FOXP2: variants seen among roughly 807,000 people sequenced by gnomAD.
The protein encoded by FOXP2 is forkhead box P2, also known as forkhead box protein P2.
A neutral mutation model predicts 115.8 loss-of-function variants in FOXP2; 12 were observed. The ratio of observed to expected loss-of-function variants is 0.10; its 90% CI spans 0.07 to 0.17. FOXP2 has a LOEUF of 0.17. FOXP2 is among the 10% of genes least tolerant of loss of function. FOXP2 has a pLI of 1.00. For synonymous variants in FOXP2, 328 were observed against 297.7 expected (o/e 1.10, Z -1.05); for missense variants, 629 against 843.5 (o/e 0.75, Z 3.15).
chr7:114,115,154 T>C (rs1359170534), intron 1 of FOXP2, among the ~76,000 whole-genome samples: 1 of 152,186 alleles, frequency 6.6e-6, no homozygotes, highest in Non-Finnish European at 1.5e-5. Context: ...TGTAGTCTTC[T>C]AAACTGTGTC....
At chr7:114,611,447 A>G (rs1803624013) in intron 3 of FOXP2, among the ~76,000 whole-genome samples, 2 of 152,148 alleles carry the variant, frequency 1.3e-5, no homozygotes, top group South Asian at 4.1e-4. Context: ...TTATTTTTCA[A>G]AAAAATTTTT....
At chr7:114,645,322 A>G (rs1805829591) in intron 8 of FOXP2, 1 of 151,458 alleles carries the variant, frequency 6.6e-6, no homozygotes, top group African/African-American at 2.4e-5. Flanking sequence ...ACTACATTTC[A>G]TTTACATTGT....
In FOXP2 at chr7:114,631,099, T is replaced by C. The variant is rs576166165; in HGVS notation, c.598-429T>C. 7 of 200,476 alleles carry C rather than the reference T, an allele frequency of 3.5e-5. No homozygotes were observed. The East Asian group carries it at 4.8e-4, about 14-fold the overall frequency. The allele number at this position is 200,476 out of a possible 1,614,324, so 12.4% of individuals were successfully genotyped here. On this transcript the variant is annotated intron_variant, in intron 5 of 16. Coordinates refer to ENST00000350908, the MANE Select transcript of FOXP2 (RefSeq NM_014491.4). The stretch of plus-strand genomic sequence containing the variant: ...CTATCCTATGAAGGCTACATCCCAG[T>C]TTACTAATAGATCACCAGAGACCAC...
intron 1 of FOXP2, among the ~76,000 whole-genome samples, chr7:114,099,108 A>G (rs1799715406): frequency 6.6e-6 from 1 of 152,120 alleles, no homozygotes; most frequent in Non-Finnish European, 1.5e-5. Context: ...GCACTCCACC[A>G]TGGGCGACAG....
At chr7:114,123,578 G>A (rs912196000) in intron 1 of FOXP2, among the ~76,000 whole-genome samples, 1 of 151,894 alleles carries the variant, frequency 6.6e-6, no homozygotes, top group Non-Finnish European at 1.5e-5. Context: ...ATCATCCTGG[G>A]ATGATTAACA....
At chr7:114,576,135 T>C (rs73429401) in intron 3 of FOXP2, among the ~76,000 whole-genome samples, 3,324 of 152,020 alleles carry the variant, frequency 0.022, 110 homozygotes, top group African/African-American at 0.073. Flanking sequence ...CATAAAGATA[T>C]AATATAGTGA....
chr7:114,514,701 AT>A (rs1407387777), intron 2 of FOXP2, among the ~76,000 whole-genome samples: 1 of 150,652 alleles, frequency 6.6e-6, no homozygotes, highest in Non-Finnish European at 1.5e-5. Context: ...TTATTTATTT[AT>A]TTTTTATATT....
intron 8 of FOXP2, among the ~76,000 whole-genome samples, chr7:114,649,710 T>C (rs1806127833): frequency 6.6e-6 from 1 of 152,124 alleles, no homozygotes; most frequent in African/African-American, 2.4e-5. Flanking sequence ...GAATAGGCAC[T>C]ATTCTTTTAC....
chr7:114,282,655 T>G (rs1796368588), intron 1 of FOXP2, among the ~76,000 whole-genome samples: 1 of 152,146 alleles, frequency 6.6e-6, no homozygotes, highest in Non-Finnish European at 1.5e-5. Flanking sequence ...TCTAGGTTCA[T>G]AGGATTAATA....
chr7:114,145,500 C>CTTTTCTTTTCTTTT, intron 1 of FOXP2, among the ~76,000 whole-genome samples: 1 of 30,800 alleles, frequency 3.2e-5, no homozygotes. Flanking sequence ...TCTTTTCTTT[C>CTTTTCTTTTCTTTT]CTTTTGAGAT....
chr7:114,582,430 G>A (rs1160997999), intron 3 of FOXP2, among the ~76,000 whole-genome samples: 1 of 152,066 alleles, frequency 6.6e-6, no homozygotes, highest in Non-Finnish European at 1.5e-5. Flanking sequence ...AGGAAAGGGT[G>A]TACTTATTGC....
intron 1 of FOXP2, among the ~76,000 whole-genome samples, chr7:114,196,260 T>C (rs1395010317): frequency 1.3e-5 from 2 of 151,844 alleles, no homozygotes; most frequent in Non-Finnish European, 2.9e-5. Flanking sequence ...TTTGCCCACC[T>C]CGGCCTTCCA....
At chr7:114,231,296 C>T (rs1794870201) in intron 1 of FOXP2, among the ~76,000 whole-genome samples, 1 of 152,054 alleles carries the variant, frequency 6.6e-6, no homozygotes, top group African/African-American at 2.4e-5. Flanking sequence ...ATCAACACCA[C>T]CCAAAGCAAT....
intron 1 of FOXP2, among the ~76,000 whole-genome samples, chr7:114,107,120 C>T (rs1791137875): frequency 6.6e-6 from 1 of 151,928 alleles, no homozygotes; most frequent in Admixed American, 6.6e-5. Flanking sequence ...AACAGCTGCT[C>T]TCCTGTTCTG....
At chr7:114,176,498 C>G (rs1487124139) in intron 1 of FOXP2, among the ~76,000 whole-genome samples, 1 of 151,596 alleles carries the variant, frequency 6.6e-6, no homozygotes, top group Non-Finnish European at 1.5e-5. Flanking sequence ...CACCACCACG[C>G]CCGGCTAATT....
chr7:114,346,993 A>G (rs1253284951), intron 2 of FOXP2, among the ~76,000 whole-genome samples: 1 of 151,878 alleles, frequency 6.6e-6, no homozygotes. Context: ...ATTTTAGCCC[A>G]TAAACGTAGA....
At chr7:114,509,685 T>C (rs1021079764) in intron 2 of FOXP2, among the ~76,000 whole-genome samples, 1 of 150,242 alleles carries the variant, frequency 6.7e-6, no homozygotes, top group Non-Finnish European at 1.5e-5. Flanking sequence ...GGGGGGCTTG[T>C]TAATAAGGAG....
chr7:114,523,085 T>A (rs994139853), intron 2 of FOXP2, among the ~76,000 whole-genome samples: 2 of 152,152 alleles, frequency 1.3e-5, no homozygotes, highest in Non-Finnish European at 2.9e-5. Context: ...AGTAATTGGT[T>A]CTTTGTGGCT....
Position 114,664,274 on chromosome 7 carries a change from C to T in FOXP2, c.1841C>T (p.Ala614Val). The T allele has an allele frequency of 1.2e-6, 2 of 1,612,900 alleles. No individual in the cohort carries two copies. Among genetic ancestry groups the T allele is most frequent in the Non-Finnish European group, 1.7e-6 (2 of 1,179,548 alleles). Reference protein sequence around the residue: ...YGAALNASLQAALAESSLPLL... With the variant: ...YGAALNASLQVALAESSLPLL... ...TTTACACAATCTTCATTTCACTAGGCTGCCTTGGCAGAGAGCAGTTTACCT... is the reference window on the plus strand; with the variant it reads ...TTTACACAATCTTCATTTCACTAGGTTGCCTTGGCAGAGAGCAGTTTACCT... The change falls in exon 16 of 17, where the codon GCT becomes GTT. Residue 614 changes from alanine (A) to valine (V), a missense_variant and splice_region_variant. Physicochemically the swap from Ala to Val is moderately conservative, Grantham distance 64 (BLOSUM62 0). Transcript: ENST00000350908.
Sources: gnomAD v4.1 joint callset for allele counts (sites outside exome capture counted in the v4.1 genomes callset) on GRCh38, gnomAD v4.1.1 for gene constraint, MANE v1.5 for transcripts, NCBI Gene and HGNC (gene_info 2026-07-23, HGNC 2026-07-21) for gene names.